Variants in CYP2J2 observed in about 807,000 individuals in gnomAD.
CYP2J2 encodes the protein cytochrome P450 family 2 subfamily J member 2, also known as cytochrome P450 2J2.
In CYP2J2, 41 loss-of-function variants were observed where a neutral mutation model predicts 48.8. The observed-to-expected ratio is 0.84, with a 90% CI of 0.66 to 1.09. The LOEUF (loss-of-function observed/expected upper bound fraction) is 1.09. Ranked by LOEUF, CYP2J2 falls within the 50% of genes least tolerant of loss-of-function variation. The pLI is 0.00. For missense variants in CYP2J2, 644 were observed against 617.3 expected, an observed-to-expected ratio of 1.04 and a Z score of -0.46; for synonymous variants, 221 against 227.1, an observed-to-expected ratio of 0.97 and a Z score of 0.24.
At chr1:59,900,130 TA>T (rs1341039102) in intron 8 of CYP2J2, among the ~76,000 whole-genome samples, 1 of 152,186 alleles carries the variant, frequency 6.6e-6, no homozygotes, top group African/African-American at 2.4e-5. Flanking sequence ...AAAAATGAAT[TA>T]AAATTTACAA....
At chr1:59,931,643 TAATC>T (rs1301192801), upstream of CYP2J2, among the ~76,000 whole-genome samples, 5 of 152,262 alleles carry the variant, frequency 3.3e-5, no homozygotes, top group East Asian at 9.6e-4. Flanking sequence ...AATAACCCAT[TAATC>T]AATCATTACT....
At chr1:59,916,521 C>T (rs1644467639) in intron 1 of CYP2J2, among the ~76,000 whole-genome samples, 1 of 152,074 alleles carries the variant, frequency 6.6e-6, no homozygotes, top group Non-Finnish European at 1.5e-5. Context: ...ATTGCTTGAG[C>T]CAAGGAGTTC....
chr1:59,893,719 G>C lies in CYP2J2; in HGVS notation c.1441C>G (p.Leu481Val). 6.2e-7 allele frequency: 1 copy of C among 1,613,358 alleles called. No individual in the cohort carries two copies. The highest frequency in any genetic ancestry group is 8.5e-7 in the Non-Finnish European group (1 of 1,179,682). The change falls in exon 9 of 9, where the codon CTG (leucine) becomes GTG (valine). Residue 481 changes from leucine to valine, a missense_variant. Coordinates refer to ENST00000371204, the MANE Select transcript of CYP2J2 (RefSeq NM_000775.4). Reference protein sequence around the residue: ...FRPPNNEKLSLKFRMGITISP... With the variant: ...FRPPNNEKLSVKFRMGITISP... ...ATGGTGATACCCATTCTAAACTTCA[G>C]GCTCAGCTTCTCATTGTTTGGGGGC...
chr1:59,953,143 A>G, the CYP2J2 span, among the ~76,000 whole-genome samples: 3 of 152,176 alleles, frequency 2.0e-5, no homozygotes, highest in Admixed American at 2.0e-4. Flanking sequence ...GGAAGGTCAA[A>G]CCACTTATGA....
rs767380029 is a variant in CYP2J2 at position 59,907,851 on chromosome 1, G to T, written c.938C>A (p.Thr313Asn). ...TCGCAGAGTTGTGGAAGTTGTCTCG[G>T]TTCCGGCAAAGAAGAGGTCCAGGGT... Reference protein sequence around the residue: ...CSTLDLFFAGTETTSTTLRWA... With the variant: ...CSTLDLFFAGNETTSTTLRWA... Residue 313 changes from threonine (T) to asparagine (N), a missense_variant, in exon 6 of 9, where the codon ACC (threonine) becomes AAC (asparagine). Thr to Asn is a moderately conservative substitution (Grantham distance 65). Transcript: ENST00000371204. The T allele has an allele frequency of 8.1e-6, 13 of 1,614,098 alleles. No individual in the cohort carries two copies. Among genetic ancestry groups the T allele is most frequent in the Non-Finnish European group, 1.0e-5 (12 of 1,179,994 alleles).
intron 8 of CYP2J2, among the ~76,000 whole-genome samples, chr1:59,899,785 T>G (rs1196353062): frequency 1.6e-4 from 24 of 152,240 alleles, no homozygotes; most frequent in Non-Finnish European, 7.3e-5. Flanking sequence ...CTAGAACATA[T>G]GCACCATGGG....
At chr1:59,933,940 G>A in the CYP2J2 span, among the ~76,000 whole-genome samples, 1 of 152,014 alleles carries the variant, frequency 6.6e-6, no homozygotes, top group Non-Finnish European at 1.5e-5. Context: ...AAACAATTTT[G>A]AGAAACAAAA....
At chr1:59,954,422 G>A in the CYP2J2 span, among the ~76,000 whole-genome samples, 1 of 152,126 alleles carries the variant, frequency 6.6e-6, no homozygotes, top group African/African-American at 2.4e-5. Flanking sequence ...TTGAACATGA[G>A]TGGAAGTGGA....
chr1:59,935,307 T>C, the CYP2J2 span, among the ~76,000 whole-genome samples: 869 of 151,980 alleles, frequency 5.7e-3, 5 homozygotes, highest in Non-Finnish European at 9.2e-3. Flanking sequence ...TTATAAGACA[T>C]ATAAGTTTGG....
the CYP2J2 span, among the ~76,000 whole-genome samples, chr1:59,964,430 G>A: frequency 6.6e-6 from 1 of 152,220 alleles, no homozygotes; most frequent in East Asian, 1.9e-4. Context: ...CGCATTTTAT[G>A]TTGTGAATGA....
chr1:59,922,111 T>C (rs1644522213), intron 1 of CYP2J2, among the ~76,000 whole-genome samples: 1 of 152,220 alleles, frequency 6.6e-6, no homozygotes, highest in Non-Finnish European at 1.5e-5. Flanking sequence ...GTATCTTTTA[T>C]TTCTCGACCT....
At position 59,912,172 on chromosome 1, in the gene CYP2J2, T is replaced by C; in HGVS notation, c.513A>G (p.Lys171=). 1 of 1,613,128 alleles carries C rather than the reference T, an allele frequency of 6.2e-7. No individual in the cohort carries two copies. The highest frequency in any genetic ancestry group is 8.5e-7 in the Non-Finnish European group (1 of 1,179,578). Residue 171 remains lysine, a synonymous_variant, in exon 3 of 9, where the codon AAA becomes AAG. Transcript: ENST00000371204. ...ATATGCAATGCTCACCGTTCTCCTC[T>C]TTTATTGCTTCAGTGAGGTGTTGGG... The part of the protein sequence containing the change: ...EEAQHLTEAI[K]EENGQPFDPH...
At chr1:59,923,030 G>A (rs1644531649) in intron 1 of CYP2J2, among the ~76,000 whole-genome samples, 1 of 152,176 alleles carries the variant, frequency 6.6e-6, no homozygotes, top group South Asian at 2.1e-4. Context: ...GGAGTCAGAG[G>A]GCAAATTAGG....
rs1644423058 is a variant in CYP2J2 at position 59,912,173 on chromosome 1, T to C, written c.512A>G (p.Lys171Arg). The C allele has an allele frequency of 6.2e-7, 1 of 1,613,150 alleles. No individual in the cohort carries two copies. The highest frequency in any genetic ancestry group is 1.3e-5 in the African/African-American group (1 of 74,982). Residue 171 changes from lysine (K) to arginine (R), a missense_variant, in exon 3 of 9, where the codon AAA (lysine) becomes AGA (arginine). Coordinates refer to ENST00000371204, the MANE Select transcript of CYP2J2 (RefSeq NM_000775.4). ...TATGCAATGCTCACCGTTCTCCTCT[T>C]TTATTGCTTCAGTGAGGTGTTGGGC... is the stretch of plus-strand genomic sequence containing the variant. ...EEAQHLTEAI[K>R]EENGQPFDPH... is the part of the protein sequence containing the mutation.
the CYP2J2 span, among the ~76,000 whole-genome samples, chr1:59,959,658 CACATATACAT>C: frequency 6.6e-6 from 1 of 151,420 alleles, no homozygotes; most frequent in Admixed American, 6.6e-5. Flanking sequence ...TACATATATG[CACATATACAT>C]ATATATACAT....
chr1:59,946,485 A>C, the CYP2J2 span, among the ~76,000 whole-genome samples: 2 of 152,170 alleles, frequency 1.3e-5, no homozygotes, highest in Non-Finnish European at 2.9e-5. Flanking sequence ...ATGCACTGAT[A>C]GTTTATTCTT....
intron 3 of CYP2J2, 69 bp downstream of exon 3, chr1:59,912,093 A>T: frequency 1.3e-6 from 2 of 1,488,510 alleles, no homozygotes; most frequent in Non-Finnish European, 1.8e-6. Context: ...GCACTTACTC[A>T]CTTAGTAAGT....
intron 2 of CYP2J2, 111 bp downstream of exon 2, chr1:59,915,827 T>C (rs1644459583): frequency 9.8e-7 from 1 of 1,024,310 alleles, no homozygotes; most frequent in Non-Finnish European, 1.4e-6. Flanking sequence ...GGAAGTTTAT[T>C]ATGGGGCTGG....
intron 1 of CYP2J2, among the ~76,000 whole-genome samples, chr1:59,925,953 G>A (rs1644559854): frequency 6.6e-6 from 1 of 152,190 alleles, no homozygotes; most frequent in African/African-American, 2.4e-5. Flanking sequence ...GCCCTGATAG[G>A]AGATTATTGT....
Sources: allele counts gnomAD v4.1 joint callset (sites outside exome capture counted in the v4.1 genomes callset), GRCh38; gene constraint gnomAD v4.1.1; transcripts MANE v1.5; gene names NCBI Gene and HGNC (gene_info 2026-07-23, HGNC 2026-07-21).